DCAF4: variants seen among roughly 807,000 people sequenced by gnomAD.
The protein encoded by DCAF4 is DDB1 and CUL4 associated factor 4, also known as DDB1- and CUL4-associated factor 4.
DCAF4 carries 37 observed loss-of-function variants against 60.9 expected under a neutral mutation model. The ratio of observed to expected loss-of-function variants is 0.61; its 90% CI spans 0.47 to 0.80. The LOEUF (loss-of-function observed/expected upper bound fraction) is 0.80, where lower values mean the gene tolerates loss of function less well. DCAF4 is among the 30% of genes least tolerant of loss of function. The probability of loss-of-function intolerance (pLI) is 0.00; values close to 1 mark genes in which losing one functional copy is unlikely to be tolerated. For missense variants in DCAF4, 577 were observed against 650.0 expected, an observed-to-expected ratio of 0.89 and a Z score of 1.22; for synonymous variants, 243 against 254.8, an observed-to-expected ratio of 0.95 and a Z score of 0.44.
At chr14:72,938,763 T>A (rs919869872) in intron 2 of DCAF4, among the ~76,000 whole-genome samples, 4 of 152,150 alleles carry the variant, frequency 2.6e-5, no homozygotes, top group African/African-American at 9.7e-5. Flanking sequence ...TTAAATGGTA[T>A]ACCTATGTAT....
At position 72,959,568 on chromosome 14, in the gene DCAF4, T is replaced by C. The variant is rs547969047; in HGVS notation, c.*763T>C. 2.6e-5 allele frequency: 26 copies of C among 985,506 alleles called. No homozygotes were observed. The African/African-American group carries it at 2.8e-4, about 11-fold the overall frequency. 61.0% of individuals were successfully genotyped at this position (985,506 alleles called of 1,614,324 possible). A position where few individuals can be genotyped will look rare whatever the true frequency, so the allele number is the denominator to read the frequency against. On this transcript the variant is annotated 3_prime_UTR_variant, in exon 14 of 14. Coordinates refer to ENST00000358377, the MANE Select transcript of DCAF4 (RefSeq NM_015604.4). Reference sequence around the variant, plus strand: ...AAATTGGTTTTGACTTTTTGTAATCTAGGAGCGACAGTTCGTGAGATGTTT... The same window carrying C: ...AAATTGGTTTTGACTTTTTGTAATCCAGGAGCGACAGTTCGTGAGATGTTT...
chr14:72,930,024 C>G (rs1217756491), intron 1 of DCAF4: 1 of 578,084 alleles, frequency 1.7e-6, no homozygotes, highest in Non-Finnish European at 3.1e-6. Flanking sequence ...TCCGGCTACT[C>G]CGAGGTTGAG....
rs769023071 is a variant in DCAF4, at chr14:72,937,935, C to T, written c.-8-36C>T. ...AAACAGAAAAGCCCATGCCCACACA[C>T]AGAGATGTATGGATTTTTTTGTTTT... On this transcript the variant is annotated intron_variant, in intron 1 of 13. Coordinates refer to ENST00000358377, the MANE Select transcript of DCAF4 (RefSeq NM_015604.4). The T allele has an allele frequency of 1.9e-6, 3 of 1,548,182 alleles. No individual in the cohort carries two copies. The South Asian group carries it at 3.8e-5, about 19-fold the overall frequency.
At chr14:72,935,807 G>T (rs1243044953) in intron 1 of DCAF4, among the ~76,000 whole-genome samples, 2 of 152,174 alleles carry the variant, frequency 1.3e-5, no homozygotes, top group African/African-American at 4.8e-5. Flanking sequence ...CAGTTCGTGT[G>T]TTCTTTGCTG....
chr14:72,953,732 A>AAAAAAAT lies in DCAF4; in HGVS notation c.809-431_809-430insAAAAATA, dbSNP rs1555527852. Among the ~76,000 whole-genome samples, 7 of 21,778 alleles carry AAAAAAAT rather than the reference A, an allele frequency of 3.2e-4. 2 individuals are homozygous for AAAAAAAT. The East Asian group carries it at 4.6e-3, about 14-fold the overall frequency. 14.3% of individuals were successfully genotyped at this position (21,778 alleles called of 152,430 possible). Reference sequence around the variant, plus strand: ...CTTAAAAAAAAAAAAAAAAAAAAAAAATATATATATATATATATATATATA... The same window carrying AAAAAAAT: ...CTTAAAAAAAAAAAAAAAAAAAAAAAAAAAAATATATATATATATATATATATATATA... On this transcript the variant is annotated intron_variant, in intron 9 of 13. Transcript: ENST00000358377.
chr14:72,930,242 TTTTC>T (rs1888369077), intron 1 of DCAF4, among the ~76,000 whole-genome samples: 2 of 108,114 alleles, frequency 1.8e-5, no homozygotes, highest in East Asian at 2.2e-4. Flanking sequence ...TTGTGTAGCT[TTTTC>T]TTTTTTTTTT....
At chr14:72,933,534 G>C (rs1441865262) in intron 1 of DCAF4, among the ~76,000 whole-genome samples, 1 of 150,556 alleles carries the variant, frequency 6.6e-6, no homozygotes, top group Non-Finnish European at 1.5e-5. Flanking sequence ...ACTCCAGCCT[G>C]GGTGACAGAG....
In DCAF4 at chr14:72,949,880, A is replaced by C. The variant is rs942838009; in HGVS notation, c.729-1918A>C. ...CATTCAGACAACACCTATCGAGTAT[A>C]TGCAGTTGCAAGGAGATAGAGACAG... On this transcript the variant is annotated intron_variant, in intron 8 of 13. Coordinates refer to ENST00000358377, the MANE Select transcript of DCAF4 (RefSeq NM_015604.4). Among the ~76,000 whole-genome samples the C allele has an allele frequency of 2.1e-4, 32 of 152,354 alleles. 1 individual carries two copies. Among genetic ancestry groups the C allele is most frequent in the African/African-American group, 7.0e-4 (29 of 41,582 alleles).
chr14:72,948,392 C>T (rs553511879), intron 8 of DCAF4, among the ~76,000 whole-genome samples: 5 of 152,234 alleles, frequency 3.3e-5, no homozygotes, highest in African/African-American at 9.6e-5. Context: ...ACATTAGCGA[C>T]CTGATTATAA....
chr14:72,943,233 C>G, intron 6 of DCAF4, 137 bp downstream of exon 6: 1 of 749,848 alleles, frequency 1.3e-6, no homozygotes, highest in East Asian at 2.8e-5. Context: ...CTTGGTTGTA[C>G]GATTTTAACC....
At chr14:72,928,186 A>AATTTT (rs1887902685) in intron 1 of DCAF4, among the ~76,000 whole-genome samples, 1 of 21,688 alleles carries the variant, frequency 4.6e-5, no homozygotes, top group Admixed American at 4.4e-4. Context: ...GAATCCCCCC[A>AATTTT]CTTTTTTTTT....
intron 1 of DCAF4, among the ~76,000 whole-genome samples, chr14:72,934,802 C>G (rs939422232): frequency 6.6e-6 from 1 of 152,150 alleles, no homozygotes; most frequent in African/African-American, 2.4e-5. Context: ...TTATCTCTGC[C>G]CACTCCCCAG....
At chr14:72,952,365 GC>G in intron 9 of DCAF4, among the ~76,000 whole-genome samples, 1 of 152,274 alleles carries the variant, frequency 6.6e-6, no homozygotes, top group South Asian at 2.1e-4. Context: ...TCCCAGCTCT[GC>G]CCCTTGCCAA....
intron 6 of DCAF4, 91 bp downstream of exon 6, chr14:72,943,187 G>A: frequency 8.5e-7 from 1 of 1,180,278 alleles, no homozygotes; most frequent in Non-Finnish European, 1.2e-6. Flanking sequence ...ACCTGGCTCT[G>A]GAGAAGCCAA....
At chr14:72,939,302 AGCTCTATCCCAGTGTTACTG>A (rs1889711542) in intron 2 of DCAF4, among the ~76,000 whole-genome samples, 1 of 152,180 alleles carries the variant, frequency 6.6e-6, no homozygotes, top group Non-Finnish European at 1.5e-5. Flanking sequence ...TTTTAGCCGC[AGCTCTATCCCAGTGTTACTG>A]AACTAATCAC....
chr14:72,955,985 C>T (rs191900966), intron 12 of DCAF4, among the ~76,000 whole-genome samples: 3 of 117,760 alleles, frequency 2.5e-5, no homozygotes, highest in Admixed American at 2.5e-4. Flanking sequence ...TGCAGTGGTA[C>T]TATCTTGGCT....
At chr14:72,932,035 C>T (rs1361249163) in intron 1 of DCAF4, among the ~76,000 whole-genome samples, 2 of 148,660 alleles carry the variant, frequency 1.3e-5, no homozygotes, top group Admixed American at 6.8e-5. Context: ...GTTGCCCAGG[C>T]GGGAGTGCAG....
intron 8 of DCAF4, among the ~76,000 whole-genome samples, chr14:72,948,514 T>A (rs1296688934): frequency 1.3e-5 from 2 of 152,188 alleles, no homozygotes; most frequent in Non-Finnish European, 2.9e-5. Context: ...ACTATGATGA[T>A]CTAACCAGAG....
chr14:72,928,585 T>TTTTATATATATATATA (rs1283241933), intron 1 of DCAF4, among the ~76,000 whole-genome samples: 8 of 15,932 alleles, frequency 5.0e-4, no homozygotes, highest in African/African-American at 7.5e-4. Flanking sequence ...TAAACATCCT[T>TTTTATATATATATATA]TATATATATA....
Sources: gnomAD v4.1 joint callset for allele counts (sites outside exome capture counted in the v4.1 genomes callset) on GRCh38, gnomAD v4.1.1 for gene constraint, MANE v1.5 for transcripts, NCBI Gene and HGNC (gene_info 2026-07-23, HGNC 2026-07-21) for gene names.